Variants in CCDC6 observed in about 807,000 individuals in gnomAD.
The protein encoded by CCDC6 is coiled-coil domain containing 6.
In CCDC6, 20 loss-of-function variants were observed where a neutral mutation model predicts 56.6. The ratio of observed to expected loss-of-function variants is 0.35; its 90% confidence interval spans 0.25 to 0.51. CCDC6 has a LOEUF of 0.51. Among genes scored for constraint, CCDC6 ranks in the 20% least tolerant of loss-of-function variants. CCDC6 has a pLI of 0.95. For missense variants in CCDC6, 367 were observed against 601.1 expected (o/e 0.61, Z 4.07); for synonymous variants, 241 against 234.4 (o/e 1.03, Z -0.26).
chr10:59,899,946 T>C (rs3793869), intron 1 of CCDC6, among the ~76,000 whole-genome samples: 1 of 152,188 alleles, frequency 6.6e-6, no homozygotes, highest in Admixed American at 6.5e-5. Context: ...TCATCAACTA[T>C]GGTAAAGAAA....
intron 5 of CCDC6, among the ~76,000 whole-genome samples, chr10:59,811,585 C>T (rs373316659): frequency 6.6e-6 from 1 of 152,040 alleles, no homozygotes. Context: ...GCATAGTAAG[C>T]GAAAAGAGAA....
chr10:59,885,888 A>G (rs1454776524), intron 1 of CCDC6, among the ~76,000 whole-genome samples: 1 of 147,484 alleles, frequency 6.8e-6, no homozygotes, highest in Non-Finnish European at 1.5e-5. Flanking sequence ...CTGTGAAATC[A>G]GTTGTCTGAT....
At chr10:59,818,873 T>C (rs1431829514) in intron 3 of CCDC6, among the ~76,000 whole-genome samples, 1 of 152,220 alleles carries the variant, frequency 6.6e-6, no homozygotes, top group East Asian at 1.9e-4. Context: ...AGTATGCAAG[T>C]ATTCAGCAAG....
At chr10:59,905,981 C>A in intron 1 of CCDC6, 141 bp downstream of exon 1, 1 of 722,484 alleles carries the variant, frequency 1.4e-6, no homozygotes, top group Non-Finnish European at 2.2e-6. Context: ...CTCCCGGAAG[C>A]CAGCAGGTCC....
At chr10:59,900,857 T>G (rs892815116) in intron 1 of CCDC6, among the ~76,000 whole-genome samples, 1 of 152,146 alleles carries the variant, frequency 6.6e-6, no homozygotes, top group Admixed American at 6.6e-5. Flanking sequence ...CCAGGAGTTC[T>G]GAGACCAGCC....
chr10:59,871,132 T>C (rs1802728885), intron 1 of CCDC6, among the ~76,000 whole-genome samples: 1 of 152,326 alleles, frequency 6.6e-6, no homozygotes, highest in Non-Finnish European at 1.5e-5. Context: ...ATAAATAAAA[T>C]GCTTTCATGT....
rs755436960 is a variant in CCDC6, at chr10:59,832,592, T to C, written c.515A>G (p.Asn172Ser). ...HLEQEQEFQV[N>S]KLMKKIKKLE... ...TTTTTTAATTTTCTTCATCAGTTTG[T>C]TGACCTGAAATTCCTGCTCTTGTTC... Residue 172 changes from asparagine (N) to serine (S), a missense_variant, in exon 3 of 9, where the codon AAC (asparagine) becomes AGC (serine). Coordinates refer to ENST00000263102, the MANE Select transcript of CCDC6 (RefSeq NM_005436.5). 2.5e-6 allele frequency: 4 copies of C among 1,613,794 alleles called. No homozygotes were observed. The highest frequency in any genetic ancestry group is 2.5e-6 in the Non-Finnish European group (3 of 1,179,736).
intron 2 of CCDC6, among the ~76,000 whole-genome samples, chr10:59,852,336 G>C (rs1056522346): frequency 6.6e-6 from 1 of 152,088 alleles, no homozygotes; most frequent in Non-Finnish European, 1.5e-5. Flanking sequence ...GAAATGCTCG[G>C]GGTACAAAAT....
At chr10:59,810,150 T>C (rs2070661086) in intron 5 of CCDC6, among the ~76,000 whole-genome samples, 1 of 152,204 alleles carries the variant, frequency 6.6e-6, no homozygotes. Context: ...CAAGTTCAGA[T>C]GCAGTCAAGC....
intron 3 of CCDC6, among the ~76,000 whole-genome samples, chr10:59,823,183 G>A (rs555196207): frequency 1.3e-5 from 2 of 152,318 alleles, no homozygotes; most frequent in South Asian, 2.1e-4. Flanking sequence ...AGCTATGAGT[G>A]CAGATACAAA....
chr10:59,887,789 G>A (rs113224589), intron 1 of CCDC6, among the ~76,000 whole-genome samples: 1,825 of 152,214 alleles, frequency 0.012, 10 homozygotes, highest in African/African-American at 0.014. Context: ...CCCTTTGCTT[G>A]TAAGTGCTGA....
At chr10:59,799,987 T>C (rs1249239819) in intron 7 of CCDC6, among the ~76,000 whole-genome samples, 1 of 152,222 alleles carries the variant, frequency 6.6e-6, no homozygotes, top group Non-Finnish European at 1.5e-5. Flanking sequence ...TCAAAGCCCA[T>C]CTCAAAAGCT....
chr10:59,827,607 C>T (rs1243031617), intron 3 of CCDC6, among the ~76,000 whole-genome samples: 4 of 152,074 alleles, frequency 2.6e-5, no homozygotes, highest in African/African-American at 9.7e-5. Flanking sequence ...GGGAAGTTTC[C>T]CTAAACTACA....
chr10:59,891,298 G>C (rs557355168), intron 1 of CCDC6, among the ~76,000 whole-genome samples: 1 of 152,064 alleles, frequency 6.6e-6, no homozygotes, highest in Non-Finnish European at 1.5e-5. Flanking sequence ...GGGAAAATCA[G>C]AAAGCAGTTA....
chr10:59,895,272 A>G (rs1160283991), intron 1 of CCDC6, among the ~76,000 whole-genome samples: 1 of 152,226 alleles, frequency 6.6e-6, no homozygotes, highest in African/African-American at 2.4e-5. Context: ...ACTGCACTGC[A>G]GCCTGTGTGA....
At chr10:59,832,431 C>A in intron 3 of CCDC6, 94 bp downstream of exon 3, 1 of 1,244,446 alleles carries the variant, frequency 8.0e-7, no homozygotes, top group Non-Finnish European at 1.1e-6. Context: ...CTGAAAACTA[C>A]TTTTCACTTA....
At chr10:59,854,520 T>G (rs1282644867) in intron 1 of CCDC6, among the ~76,000 whole-genome samples, 2 of 152,186 alleles carry the variant, frequency 1.3e-5, no homozygotes, top group South Asian at 4.1e-4. Flanking sequence ...CTTCAGCTAA[T>G]AAATCTGTAT....
At chr10:59,809,353 T>TCGGGGAACTCA (rs2070653593) in intron 5 of CCDC6, among the ~76,000 whole-genome samples, 1 of 152,178 alleles carries the variant, frequency 6.6e-6, no homozygotes, top group South Asian at 2.1e-4. Flanking sequence ...TCCTTTAGCA[T>TCGGGGAACTCA]CGGGGAACTC....
chr10:59,894,762 G>A (rs964787996), intron 1 of CCDC6, among the ~76,000 whole-genome samples: 1 of 152,106 alleles, frequency 6.6e-6, no homozygotes, highest in African/African-American at 2.4e-5. Context: ...CAGGAGTGGA[G>A]TAGACCAAGG....
Sources: allele counts gnomAD v4.1 joint callset (sites outside exome capture counted in the v4.1 genomes callset), GRCh38; gene constraint gnomAD v4.1.1; transcripts MANE v1.5; gene names NCBI Gene and HGNC (gene_info 2026-07-23, HGNC 2026-07-21).